LAMA1: variants seen among roughly 807,000 people sequenced by gnomAD.
The protein encoded by LAMA1 is laminin subunit alpha-1.
Under a neutral mutation model 348.7 loss-of-function variants are expected in LAMA1, and 219 were observed. The observed-to-expected ratio is 0.63, with a 90% confidence interval of 0.56 to 0.70. LAMA1 has a LOEUF of 0.70. Ranked by LOEUF, LAMA1 falls within the 30% of genes least tolerant of loss-of-function variation. LAMA1 has a pLI of 0.00. For missense variants in LAMA1, 3,744 were observed against 3,888.0 expected (o/e 0.96, Z 0.99); for synonymous variants, 1,487 against 1,491.0 (o/e 1.00, Z 0.06).
chr18:6,976,183 G>T, intron 44 of LAMA1, 103 bp from the exon 45 acceptor site: 1 of 1,150,630 alleles, frequency 8.7e-7, no homozygotes, highest in Non-Finnish European at 1.3e-6. Context: ...CACTGAGGCA[G>T]GTTTCCTCTC....
intron 19 of LAMA1, among the ~76,000 whole-genome samples, chr18:7,019,507 T>TC (rs1395793176): frequency 6.6e-6 from 1 of 152,136 alleles, no homozygotes; most frequent in Non-Finnish European, 1.5e-5. Context: ...TCTGTGCCTG[T>TC]CACATTCAGT....
At chr18:6,979,896 C>T (rs768937946) in intron 42 of LAMA1, among the ~76,000 whole-genome samples, 2 of 152,288 alleles carry the variant, frequency 1.3e-5, no homozygotes, top group Non-Finnish European at 2.9e-5. Flanking sequence ...GAGACTCTGT[C>T]TCAAAAAATG....
intron 54 of LAMA1, among the ~76,000 whole-genome samples, 188 bp from the exon 55 acceptor site, chr18:6,958,850 T>C (rs1175633105): frequency 6.6e-6 from 1 of 152,190 alleles, no homozygotes; most frequent in Non-Finnish European, 1.5e-5. Context: ...TGAAGATTTT[T>C]CAGAAACGAA....
At chr18:7,084,294 T>G (rs1313071592) in intron 1 of LAMA1, among the ~76,000 whole-genome samples, 1 of 151,866 alleles carries the variant, frequency 6.6e-6, no homozygotes, top group Non-Finnish European at 1.5e-5. Flanking sequence ...ACATGACCAT[T>G]GAGCAGGAGG....
intron 9 of LAMA1, among the ~76,000 whole-genome samples, chr18:7,041,442 G>A (rs2058020185): frequency 6.6e-6 from 1 of 152,050 alleles, no homozygotes; most frequent in Non-Finnish European, 1.5e-5. Context: ...ATTCAGTTGG[G>A]TAATTTACCC....
intron 60 of LAMA1, among the ~76,000 whole-genome samples, chr18:6,947,897 G>C (rs568203207): frequency 6.6e-6 from 1 of 152,296 alleles, no homozygotes; most frequent in African/African-American, 2.4e-5. Context: ...GCTGGGGGGT[G>C]CAAGGGGAGC....
In LAMA1 at chr18:6,978,309, A is replaced by C; in HGVS notation, c.6077T>G (p.Leu2026Arg). 6.2e-7 allele frequency: 1 copy of C among 1,614,224 alleles called. No homozygotes were observed. ...CTGGCTCAGCCCCGCCACGTCCCTC[A>C]GCGTGCTCACCGCGCTCTGGCTTGC... ...TSASQSAVSTLRDVAGLSQEL... is the reference protein window; with the variant it reads ...TSASQSAVSTRRDVAGLSQEL... Residue 2026 changes from leucine to arginine, a missense_variant, in exon 43 of 63, where the codon CTG becomes CGG. By Grantham distance (102) the Leu-to-Arg change is moderately radical. Coordinates refer to ENST00000389658, the MANE Select transcript of LAMA1 (RefSeq NM_005559.4).
At chr18:7,028,111 T>G (rs80052685) in intron 16 of LAMA1, among the ~76,000 whole-genome samples, 1 of 152,122 alleles carries the variant, frequency 6.6e-6, no homozygotes, top group Admixed American at 6.5e-5. Flanking sequence ...GGCTTCGACA[T>G]TGTAGGAGAA....
chr18:7,033,789 C>A (rs2057982176), intron 14 of LAMA1, among the ~76,000 whole-genome samples: 1 of 151,936 alleles, frequency 6.6e-6, no homozygotes, highest in African/African-American at 2.4e-5. Context: ...AGCTGGAGTG[C>A]AGTGCCTTAA....
chr18:7,097,707 C>T (rs1344925151), intron 1 of LAMA1, among the ~76,000 whole-genome samples: 1 of 152,112 alleles, frequency 6.6e-6, no homozygotes, highest in Admixed American at 6.5e-5. Context: ...AAAATAGAGT[C>T]CAAAAGTATA....
Position 6,942,259 on chromosome 18 carries a change from AG to A in LAMA1, c.9068-21del. ...CACCAGCTGTTCAGGAAAGAAGAGAAGACAAATCTTGCTTAATTTTGTTGAA... is the reference window on the plus strand; with the variant it reads ...CACCAGCTGTTCAGGAAAGAAGAGAAACAAATCTTGCTTAATTTTGTTGAA... On this transcript the variant is annotated intron_variant, in intron 62 of 62. Coordinates refer to ENST00000389658, the MANE Select transcript of LAMA1 (RefSeq NM_005559.4). 1 of 1,613,464 alleles carries A rather than the reference AG, an allele frequency of 6.2e-7. No individual in the cohort carries two copies. The highest frequency in any genetic ancestry group is 1.7e-4 in the Middle Eastern group (1 of 6,052).
chr18:6,997,599 G>C (rs2057787553), intron 33 of LAMA1, 143 bp downstream of exon 33: 2 of 832,564 alleles, frequency 2.4e-6, no homozygotes, highest in African/African-American at 3.3e-5. Context: ...GTCAAGGAAA[G>C]ACTGGACACC....
At chr18:7,018,399 C>CTT (rs901034443) in intron 19 of LAMA1, among the ~76,000 whole-genome samples, 3 of 128,352 alleles carry the variant, frequency 2.3e-5, no homozygotes, top group Admixed American at 7.7e-5. Flanking sequence ...TCCAGGTACT[C>CTT]TTTTTTTTTT....
intron 1 of LAMA1, 35 bp from the exon 2 acceptor site, chr18:7,080,492 C>G: frequency 6.2e-7 from 1 of 1,609,218 alleles, no homozygotes; most frequent in Non-Finnish European, 8.5e-7. Flanking sequence ...AGCTGAGCCA[C>G]TTGAAATCCA....
At chr18:7,092,486 C>A (rs1402438369) in intron 1 of LAMA1, among the ~76,000 whole-genome samples, 1 of 151,968 alleles carries the variant, frequency 6.6e-6, no homozygotes, top group Non-Finnish European at 1.5e-5. Flanking sequence ...ATTAGCCGGG[C>A]GTGGTGGCAC....
chr18:6,950,398 C>T (rs1323536648), intron 58 of LAMA1, among the ~76,000 whole-genome samples: 1 of 152,240 alleles, frequency 6.6e-6, no homozygotes, highest in East Asian at 1.9e-4. Flanking sequence ...AACAACCCAG[C>T]TGGCCGATTA....
intron 1 of LAMA1, among the ~76,000 whole-genome samples, chr18:7,110,261 A>G (rs2058330663): frequency 6.6e-6 from 1 of 152,174 alleles, no homozygotes; most frequent in African/African-American, 2.4e-5. Context: ...TGCAGTGCTA[A>G]CAGAGAGAAA....
At chr18:6,956,001 T>G (rs923136254) in intron 56 of LAMA1, 1 of 309,202 alleles carries the variant, frequency 3.2e-6, no homozygotes, top group African/African-American at 2.2e-5. Flanking sequence ...CGGGCTGTCC[T>G]AAGAGTGCCC....
chr18:7,097,209 G>A (rs2058264999), intron 1 of LAMA1, among the ~76,000 whole-genome samples: 1 of 151,736 alleles, frequency 6.6e-6, no homozygotes, highest in Admixed American at 6.6e-5. Context: ...GCCACAGAAG[G>A]GCTGGATCAG....
Sources: gnomAD v4.1 joint callset for allele counts (sites outside exome capture counted in the v4.1 genomes callset) on GRCh38, gnomAD v4.1.1 for gene constraint, MANE v1.5 for transcripts, NCBI Gene and HGNC (gene_info 2026-07-23, HGNC 2026-07-21) for gene names.